Variants in HS6ST2 observed in about 807,000 individuals in gnomAD.
HS6ST2 encodes the protein heparan sulfate 6-O-sulfotransferase 2.
A neutral mutation model predicts 33.0 loss-of-function variants in HS6ST2; 17 were observed. That is an observed-to-expected ratio of 0.52 (90% CI 0.35 to 0.77). HS6ST2 has a LOEUF of 0.77. Ranked by LOEUF, HS6ST2 falls within the 30% of genes least tolerant of loss-of-function variation. HS6ST2 has a pLI of 0.01. For missense variants in HS6ST2, 519 were observed against 551.7 expected, an observed-to-expected ratio of 0.94 and a Z score of 0.59; for synonymous variants, 248 against 237.1, an observed-to-expected ratio of 1.05 and a Z score of -0.42.
chrX:132,856,083 A>G (rs1043822209), intron 2 of HS6ST2, among the ~76,000 whole-genome samples: 3 of 111,655 alleles, frequency 2.7e-5, no homozygotes, highest in Non-Finnish European at 5.6e-5. Context: ...TTCCAAAAGG[A>G]ACACATTTAG....
chrX:132,916,761 C>T (rs966550656), intron 2 of HS6ST2, among the ~76,000 whole-genome samples: 1 of 111,917 alleles, frequency 8.9e-6, no homozygotes, highest in African/African-American at 3.2e-5. Context: ...GCTCTCAGGC[C>T]TTCAGCCACA....
intron 2 of HS6ST2, among the ~76,000 whole-genome samples, chrX:132,906,085 T>A (rs1046391219): frequency 1.8e-5 from 2 of 112,274 alleles, no homozygotes; most frequent in African/African-American, 6.5e-5. Context: ...TGATTGCAAT[T>A]ACACTGGATC....
At chrX:132,787,204 T>TATATATATACAC (rs2065074923) in intron 2 of HS6ST2, among the ~76,000 whole-genome samples, 1 of 85,259 alleles carries the variant, frequency 1.2e-5, no homozygotes, top group East Asian at 3.4e-4. Context: ...TATATACACA[T>TATATATATACAC]ATATATATAC....
intron 3 of HS6ST2, among the ~76,000 whole-genome samples, chrX:132,693,912 G>A (rs554902576): frequency 8.9e-5 from 10 of 112,011 alleles, no homozygotes; most frequent in South Asian, 7.5e-4. Flanking sequence ...CATGTCACCC[G>A]TCAATACTCA....
intron 3 of HS6ST2, among the ~76,000 whole-genome samples, chrX:132,671,294 T>TAGGCAG (rs777278626): frequency 6.4e-4 from 71 of 111,551 alleles, no homozygotes; most frequent in African/African-American, 2.1e-3. Context: ...AGCCCCTCAC[T>TAGGCAG]TAAGCAGTAG....
intron 2 of HS6ST2, chrX:132,735,065 A>AT: frequency 8.9e-6 from 1 of 112,055 alleles, no homozygotes. Context: ...AAATAAATAA[A>AT]AAGGCAGTTT....
At chrX:132,680,736 C>A (rs765364973) in intron 3 of HS6ST2, among the ~76,000 whole-genome samples, 9 of 111,010 alleles carry the variant, frequency 8.1e-5, no homozygotes, top group Non-Finnish European at 1.5e-4. Context: ...GTGGCTCACA[C>A]CTGTAATCCT....
At chrX:132,817,791 T>C (rs943916881) in intron 2 of HS6ST2, among the ~76,000 whole-genome samples, 4 of 112,048 alleles carry the variant, frequency 3.6e-5, no homozygotes, top group African/African-American at 1.3e-4. Context: ...TTATTAGCTT[T>C]ATAACCTCTC....
intron 2 of HS6ST2, among the ~76,000 whole-genome samples, chrX:132,879,157 T>C (rs769851247): frequency 1.8e-5 from 2 of 111,577 alleles, no homozygotes; most frequent in Non-Finnish European, 3.8e-5. Context: ...CTTCTACCGC[T>C]TCTCCCTAAG....
chrX:132,821,713 C>T (rs7878472), intron 2 of HS6ST2, among the ~76,000 whole-genome samples: 37,936 of 110,732 alleles, frequency 0.34, 5,644 homozygotes, highest in African/African-American at 0.57. Flanking sequence ...TTTGCTGGCA[C>T]GGCATGGTGG....
intron 1 of HS6ST2, among the ~76,000 whole-genome samples, chrX:132,957,963 G>A (rs950157600): frequency 3.6e-5 from 4 of 112,061 alleles, no homozygotes; most frequent in Non-Finnish European, 7.5e-5. Context: ...TGCTATCGGA[G>A]ACGCTGCGCT....
chrX:132,712,231 T>C (rs946981740), intron 2 of HS6ST2, among the ~76,000 whole-genome samples: 6 of 111,807 alleles, frequency 5.4e-5, no homozygotes, highest in Non-Finnish European at 7.5e-5. Flanking sequence ...TTCTCCCATG[T>C]AGAATGCCCT....
At chrX:132,642,926 G>A (rs1454592921) in intron 4 of HS6ST2, among the ~76,000 whole-genome samples, 1 of 112,430 alleles carries the variant, frequency 8.9e-6, no homozygotes, top group East Asian at 2.8e-4. Flanking sequence ...AGGCAAAAAG[G>A]AGACCTTCCC....
intron 2 of HS6ST2, among the ~76,000 whole-genome samples, chrX:132,819,275 T>C (rs994771960): frequency 9.0e-6 from 1 of 111,361 alleles, no homozygotes; most frequent in Non-Finnish European, 1.9e-5. Context: ...TCAGTACCAA[T>C]TGGAGGTATG....
At chrX:132,936,936 T>C (rs1446835760) in intron 2 of HS6ST2, among the ~76,000 whole-genome samples, 1 of 110,876 alleles carries the variant, frequency 9.0e-6, no homozygotes, top group Non-Finnish European at 1.9e-5. Flanking sequence ...TGTTTGCAGA[T>C]GACATTGTCT....
intron 2 of HS6ST2, among the ~76,000 whole-genome samples, chrX:132,757,615 T>C (rs975430548): frequency 5.4e-5 from 6 of 110,258 alleles, no homozygotes. Context: ...GTTCTCTCTC[T>C]CTCTCTCTCA....
intron 2 of HS6ST2, among the ~76,000 whole-genome samples, chrX:132,948,913 A>C (rs2066982017): frequency 8.9e-6 from 1 of 111,985 alleles, no homozygotes; most frequent in African/African-American, 3.2e-5. Context: ...CTGTCAAAAC[A>C]ACTTGTACCT....
At position 132,852,414 on chromosome X, in the gene HS6ST2, A is replaced by G. The variant is rs773549646; in HGVS notation, c.947+104394T>C. Among the ~76,000 whole-genome samples the G allele has an allele frequency of 3.6e-5, 4 of 111,957 alleles. No homozygotes were observed. In the East Asian group the frequency reaches 1.1e-3, roughly 31 times the overall value. The stretch of plus-strand genomic sequence containing the variant: ...ATAAACCTTATATGTCCCTCTTCCT[A>G]GCATCCAATTTCCAGCCCTATTTCT... On this transcript the variant is annotated intron_variant, in intron 2 of 4. Coordinates refer to ENST00000370833, the MANE Select transcript of HS6ST2 (RefSeq NM_001394073.1).
intron 2 of HS6ST2, among the ~76,000 whole-genome samples, chrX:132,914,907 AT>A (rs1297561601): frequency 1.8e-5 from 2 of 112,890 alleles, no homozygotes; most frequent in Non-Finnish European, 3.7e-5. Context: ...ATGATCAAAC[AT>A]TTAAACTTCA....
Sources: allele counts gnomAD v4.1 joint callset (sites outside exome capture counted in the v4.1 genomes callset), GRCh38; gene constraint gnomAD v4.1.1; transcripts MANE v1.5; gene names NCBI Gene and HGNC (gene_info 2026-07-23, HGNC 2026-07-21).